Variants in LSAMP observed in about 807,000 individuals in gnomAD.
LSAMP encodes the protein limbic system associated membrane protein.
Under a neutral mutation model 38.6 loss-of-function variants are expected in LSAMP, and 7 were observed. That is an observed-to-expected ratio of 0.18 (90% CI 0.10 to 0.34). The LOEUF (loss-of-function observed/expected upper bound fraction) is 0.34, where lower values mean the gene tolerates loss of function less well. Among genes scored for constraint, LSAMP ranks in the 10% least tolerant of loss-of-function variants. The pLI, the probability that LSAMP is intolerant of heterozygous loss-of-function variation, is 1.00. For missense variants in LSAMP, 313 were observed against 420.0 expected, an observed-to-expected ratio of 0.75 and a Z score of 2.23; for synonymous variants, 154 against 166.8, an observed-to-expected ratio of 0.92 and a Z score of 0.59.
intron 1 of LSAMP, among the ~76,000 whole-genome samples, chr3:116,366,400 A>T (rs1366990058): frequency 6.6e-6 from 1 of 152,216 alleles, no homozygotes; most frequent in African/African-American, 2.4e-5. Flanking sequence ...AATGAAGGCC[A>T]AGATTGATAG....
intron 1 of LSAMP, among the ~76,000 whole-genome samples, chr3:116,114,812 A>C (rs1356014112): frequency 6.6e-6 from 1 of 152,226 alleles, no homozygotes; most frequent in Non-Finnish European, 1.5e-5. Flanking sequence ...TAAGTCATAA[A>C]GTTAGGAATT....
At chr3:115,941,941 T>A (rs1001530723) in intron 3 of LSAMP, among the ~76,000 whole-genome samples, 3 of 152,156 alleles carry the variant, frequency 2.0e-5, no homozygotes, top group African/African-American at 7.2e-5. Flanking sequence ...TATAAATACA[T>A]AAAATCACCA....
chr3:116,091,858 T>C (rs1209180336), intron 1 of LSAMP, among the ~76,000 whole-genome samples: 1 of 152,198 alleles, frequency 6.6e-6, no homozygotes, highest in East Asian at 1.9e-4. Flanking sequence ...CCTTCCGCTT[T>C]GGGTGGGTTT....
intron 1 of LSAMP, among the ~76,000 whole-genome samples, chr3:116,150,444 G>C (rs562235187): frequency 6.6e-6 from 1 of 152,030 alleles, no homozygotes; most frequent in East Asian, 1.9e-4. Flanking sequence ...TTTCAGAATA[G>C]GGGGTTATGA....
intron 3 of LSAMP, among the ~76,000 whole-genome samples, chr3:115,929,445 A>G (rs1937546724): frequency 6.6e-6 from 1 of 152,080 alleles, no homozygotes; most frequent in Non-Finnish European, 1.5e-5. Flanking sequence ...AATATCCTGT[A>G]CATAAGTGGA....
At chr3:116,417,027 T>C (rs1209098975) in intron 1 of LSAMP, among the ~76,000 whole-genome samples, 2 of 152,112 alleles carry the variant, frequency 1.3e-5, no homozygotes, top group South Asian at 2.1e-4. Context: ...CTACTTAAAT[T>C]TGGATGCAGT....
intron 6 of LSAMP, among the ~76,000 whole-genome samples, chr3:115,832,169 T>C (rs1366509361): frequency 6.6e-6 from 1 of 152,156 alleles, no homozygotes; most frequent in Non-Finnish European, 1.5e-5. Flanking sequence ...GAGATATTAA[T>C]AATAAAGCAG....
At chr3:116,096,541 G>T (rs946964060) in intron 1 of LSAMP, among the ~76,000 whole-genome samples, 1 of 152,162 alleles carries the variant, frequency 6.6e-6, no homozygotes, top group Admixed American at 6.5e-5. Flanking sequence ...ATAGTGCAAT[G>T]GTGTAAATTG....
chr3:116,070,502 C>A (rs576709365), intron 2 of LSAMP, among the ~76,000 whole-genome samples: 1 of 152,302 alleles, frequency 6.6e-6, no homozygotes, highest in African/African-American at 2.4e-5. Context: ...TAAGCTCTAG[C>A]TTGGCTAGAC....
At chr3:116,107,847 A>C (rs1178209887) in intron 1 of LSAMP, among the ~76,000 whole-genome samples, 1 of 152,186 alleles carries the variant, frequency 6.6e-6, no homozygotes, top group Non-Finnish European at 1.5e-5. Context: ...TATTGAGGAT[A>C]GGAGAGTATA....
chr3:115,821,352 T>C (rs539686977), intron 6 of LSAMP, among the ~76,000 whole-genome samples: 18 of 152,232 alleles, frequency 1.2e-4, no homozygotes, highest in Non-Finnish European at 2.2e-4. Flanking sequence ...AGGAAAAGAA[T>C]TGACGTTTAG....
intron 4 of LSAMP, 83 bp from the exon 5 acceptor site, chr3:115,842,661 T>A: frequency 6.4e-7 from 1 of 1,554,406 alleles, no homozygotes; most frequent in East Asian, 2.3e-5. Flanking sequence ...AGAAGGACAA[T>A]CTGATTAGAG....
At chr3:115,987,549 T>C (rs986436125) in intron 3 of LSAMP, among the ~76,000 whole-genome samples, 1 of 152,204 alleles carries the variant, frequency 6.6e-6, no homozygotes, top group African/African-American at 2.4e-5. Flanking sequence ...CCTTCACTTC[T>C]CCACATTATA....
At chr3:115,991,126 T>A (rs1939654515) in intron 3 of LSAMP, among the ~76,000 whole-genome samples, 1 of 152,096 alleles carries the variant, frequency 6.6e-6, no homozygotes, top group African/African-American at 2.4e-5. Flanking sequence ...AATGAATGTT[T>A]GAGTGCATTT....
intron 6 of LSAMP, among the ~76,000 whole-genome samples, chr3:115,812,079 CAAG>C (rs1216600171): frequency 6.6e-6 from 1 of 152,152 alleles, no homozygotes; most frequent in Non-Finnish European, 1.5e-5. Flanking sequence ...CAAACAAAAA[CAAG>C]GAGACAACTA....
intron 1 of LSAMP, among the ~76,000 whole-genome samples, chr3:116,218,435 T>C (rs1421738188): frequency 2.0e-5 from 3 of 152,164 alleles, no homozygotes; most frequent in African/African-American, 7.2e-5. Context: ...ATTTGCTGTG[T>C]AACTTAAACC....
At chr3:116,311,522 G>C (rs777857816) in intron 1 of LSAMP, among the ~76,000 whole-genome samples, 4 of 152,126 alleles carry the variant, frequency 2.6e-5, no homozygotes, top group Non-Finnish European at 5.9e-5. Flanking sequence ...TTTAAAAGCA[G>C]GAACAAGTTT....
intron 1 of LSAMP, among the ~76,000 whole-genome samples, chr3:116,327,409 C>CA (rs577532342): frequency 5.9e-5 from 9 of 151,454 alleles, no homozygotes; most frequent in Non-Finnish European, 1.2e-4. Flanking sequence ...ATTCTTCTTA[C>CA]TTTTTTTTTA....
chr3:116,243,250 C>A (rs754814007), intron 1 of LSAMP, among the ~76,000 whole-genome samples: 8 of 152,180 alleles, frequency 5.3e-5, no homozygotes, highest in Non-Finnish European at 7.3e-5. Context: ...TCTAACTGTT[C>A]CCTTCCTCCT....
Sources: gnomAD v4.1 joint callset for allele counts (sites outside exome capture counted in the v4.1 genomes callset) on GRCh38, gnomAD v4.1.1 for gene constraint, MANE v1.5 for transcripts, NCBI Gene and HGNC (gene_info 2026-07-23, HGNC 2026-07-21) for gene names.